Variants in HTR3B observed in about 807,000 individuals in gnomAD.
HTR3B encodes the protein 5-hydroxytryptamine (serotonin) receptor 3B, ionotropic.
In HTR3B, 44 loss-of-function variants were observed where a neutral mutation model predicts 42.8. That is an observed-to-expected ratio of 1.03 (90% CI 0.81 to 1.32). The LOEUF (loss-of-function observed/expected upper bound fraction) is 1.32, where lower values mean the gene tolerates loss of function less well. Ranked by LOEUF, HTR3B falls within the 40% of genes most tolerant of loss-of-function variation. The pLI, the probability that HTR3B is intolerant of heterozygous loss-of-function variation, is 0.00. For missense variants in HTR3B, 527 were observed against 536.5 expected (o/e 0.98, Z 0.17); for synonymous variants, 203 against 209.0 (o/e 0.97, Z 0.25).
intron 8 of HTR3B, 74 bp downstream of exon 8, chr11:113,944,829 C>A: frequency 6.9e-7 from 1 of 1,449,358 alleles, no homozygotes; most frequent in Non-Finnish European, 9.5e-7. Flanking sequence ...TGATGATGTA[C>A]TAGGTATTGC....
At chr11:113,926,527 C>G (rs552659713) in intron 2 of HTR3B, among the ~76,000 whole-genome samples, 23 of 142,002 alleles carry the variant, frequency 1.6e-4, no homozygotes, top group South Asian at 1.1e-3. Context: ...CCTTTCCTTT[C>G]CTTTCCTTTT....
intron 6 of HTR3B, among the ~76,000 whole-genome samples, chr11:113,942,248 C>T (rs963940727): frequency 8.5e-5 from 13 of 152,102 alleles, no homozygotes; most frequent in African/African-American, 3.1e-4. Flanking sequence ...TGCACTCCAG[C>T]CTGGGTGACA....
intron 6 of HTR3B, among the ~76,000 whole-genome samples, chr11:113,937,760 T>C (rs1320051867): frequency 6.6e-6 from 1 of 152,238 alleles, no homozygotes; most frequent in Non-Finnish European, 1.5e-5. Context: ...TATATTCTGG[T>C]CCATTCTTTG....
At chr11:113,916,492 A>G (rs1453024171) in intron 2 of HTR3B, among the ~76,000 whole-genome samples, 1 of 152,138 alleles carries the variant, frequency 6.6e-6, no homozygotes, top group Non-Finnish European at 1.5e-5. Flanking sequence ...GAATCTTCTA[A>G]TCTCGTTCTT....
intron 6 of HTR3B, among the ~76,000 whole-genome samples, chr11:113,940,213 C>T (rs1411379856): frequency 1.3e-5 from 2 of 152,150 alleles, no homozygotes; most frequent in African/African-American, 4.8e-5. Flanking sequence ...AGTCTGGGCT[C>T]TTTCTGCTTA....
intron 1 of HTR3B, among the ~76,000 whole-genome samples, chr11:113,908,700 C>T (rs1949753274): frequency 1.3e-5 from 2 of 152,096 alleles, no homozygotes; most frequent in Admixed American, 1.3e-4. Flanking sequence ...TTTCTCAAAA[C>T]AAAGATCTCA....
chr11:113,927,878 A>C (rs1949991926), intron 2 of HTR3B, among the ~76,000 whole-genome samples: 1 of 151,842 alleles, frequency 6.6e-6, no homozygotes, highest in African/African-American at 2.4e-5. Flanking sequence ...CTTTTTTGTA[A>C]AATTTAATTT....
intron 6 of HTR3B, among the ~76,000 whole-genome samples, chr11:113,942,215 G>T (rs896526064): frequency 6.6e-6 from 1 of 152,142 alleles, no homozygotes. Context: ...AGCAGAGCTT[G>T]CAGTGAGCCG....
intron 1 of HTR3B, among the ~76,000 whole-genome samples, chr11:113,907,659 C>G (rs1349779907): frequency 6.6e-6 from 1 of 152,150 alleles, no homozygotes; most frequent in Admixed American, 6.5e-5. Context: ...TGGATTGCTT[C>G]CTAGACAAGA....
At chr11:113,932,514 A>G in intron 5 of HTR3B, 56 bp downstream of exon 5, 1 of 1,309,748 alleles carries the variant, frequency 7.6e-7, no homozygotes, top group Non-Finnish European at 1.1e-6. Flanking sequence ...GTGAAATGAT[A>G]TTATACTATC....
At position 113,919,864 on chromosome 11, in the gene HTR3B, A is replaced by G. The variant is rs1185626178; in HGVS notation, c.213+10409A>G. Among the ~76,000 whole-genome samples the G allele has an allele frequency of 2.0e-5, 3 of 151,862 alleles. No homozygotes were observed. The East Asian group carries it at 5.8e-4, about 30-fold the overall frequency. On this transcript the variant is annotated intron_variant, in intron 2 of 8. Transcript: ENST00000260191. ...CAACAACAACAACAACAACAACAACAACAAAAAGAGTACAAGGTTTAAATT... is the reference window on the plus strand; with the variant it reads ...CAACAACAACAACAACAACAACAACGACAAAAAGAGTACAAGGTTTAAATT...
intron 6 of HTR3B, among the ~76,000 whole-genome samples, chr11:113,936,858 A>C (rs1318910253): frequency 6.6e-6 from 1 of 152,192 alleles, no homozygotes. Flanking sequence ...GTCTACCATC[A>C]AGGAGGCAAT....
intron 6 of HTR3B, among the ~76,000 whole-genome samples, chr11:113,938,944 G>A (rs111997253): frequency 0.037 from 5,620 of 152,034 alleles, 452 homozygotes; most frequent in East Asian, 0.29. Context: ...GCAGTGAGTC[G>A]AGATTGCGTC....
At chr11:113,913,631 C>G (rs1949821396) in intron 2 of HTR3B, among the ~76,000 whole-genome samples, 2 of 152,068 alleles carry the variant, frequency 1.3e-5, no homozygotes, top group Non-Finnish European at 2.9e-5. Context: ...ACTCCAGCCT[C>G]AGTCTCCCGA....
At chr11:113,939,486 C>T (rs997377023) in intron 6 of HTR3B, among the ~76,000 whole-genome samples, 5 of 152,204 alleles carry the variant, frequency 3.3e-5, no homozygotes, top group African/African-American at 7.2e-5. Context: ...ATCCACAAAG[C>T]CTGCCTACCT....
At chr11:113,914,814 A>G (rs1447124849) in intron 2 of HTR3B, among the ~76,000 whole-genome samples, 1 of 152,174 alleles carries the variant, frequency 6.6e-6, no homozygotes, top group African/African-American at 2.4e-5. Context: ...AAGGCGTTGT[A>G]TAATGTGAAT....
intron 2 of HTR3B, among the ~76,000 whole-genome samples, chr11:113,922,918 T>C (rs978329187): frequency 1.3e-5 from 2 of 152,246 alleles, no homozygotes; most frequent in African/African-American, 2.4e-5. Flanking sequence ...TAATGTAGTG[T>C]ATGCTACTTG....
chr11:113,917,279 C>T (rs4337072), intron 2 of HTR3B, among the ~76,000 whole-genome samples: 1 of 151,810 alleles, frequency 6.6e-6, no homozygotes, highest in South Asian at 2.1e-4. Context: ...ATTACAGGTG[C>T]CTGCCACCAC....
Position 113,907,652 on chromosome 11 carries a change from A to T in HTR3B, c.53-1643A>T, listed in dbSNP as rs61907888. ...GAGTTTATCCATAGGGAATCTATGG[A>T]TTGCTTCCTAGACAAGATCGCAGAG... On this transcript the variant is annotated intron_variant, in intron 1 of 8. Coordinates refer to ENST00000260191, the MANE Select transcript of HTR3B (RefSeq NM_006028.5). Among the ~76,000 whole-genome samples, 599 of 152,278 alleles carry T rather than the reference A, an allele frequency of 3.9e-3. 12 individuals are homozygous for T. The highest frequency in any genetic ancestry group is 2.9e-3 in the Non-Finnish European group (197 of 68,026).
Sources: gnomAD v4.1 joint callset for allele counts (sites outside exome capture counted in the v4.1 genomes callset) on GRCh38, gnomAD v4.1.1 for gene constraint, MANE v1.5 for transcripts, NCBI Gene and HGNC (gene_info 2026-07-23, HGNC 2026-07-21) for gene names.